CILP: variants seen among roughly 807,000 people sequenced by gnomAD.
CILP encodes the protein cartilage intermediate layer protein 1.
Under a neutral mutation model 82.5 loss-of-function variants are expected in CILP, and 75 were observed. The observed-to-expected ratio is 0.91, with a 90% CI of 0.75 to 1.10. The LOEUF is 1.10. Among genes scored for constraint, CILP ranks in the 50% least tolerant of loss-of-function variants. CILP has a pLI of 0.00. For synonymous variants in CILP, 530 were observed against 580.3 expected (o/e 0.91, Z 1.25); for missense variants, 1,479 against 1,530.8 (o/e 0.97, Z 0.56).
chr15:65,197,854 A>C lies in CILP; in HGVS notation c.2432T>G (p.Phe811Cys). The part of the protein sequence containing the change: ...TGPNGACVPA[F>C]CDDQSPDAYS... ...GGCATCAGGGGACTGGTCATCACAG[A>C]AGGCAGGCACACAGGCCCCGTTGGG... The change falls in exon 9 of 9, where the codon TTC (phenylalanine) becomes TGC (cysteine). Residue 811 changes from phenylalanine (F) to cysteine (C), a missense_variant. Coordinates refer to ENST00000261883, the MANE Select transcript of CILP (RefSeq NM_003613.4). The C allele has an allele frequency of 6.2e-7, 1 of 1,614,118 alleles. No individual in the cohort carries two copies. The highest frequency in any genetic ancestry group is 8.5e-7 in the Non-Finnish European group (1 of 1,180,006).
rs1028272918 is a variant in CILP, at chr15:65,196,078, A to T, written c.*653T>A. 6.6e-6 allele frequency: 1 copy of T among 152,246 alleles called. No homozygotes were observed. Among genetic ancestry groups the T allele is most frequent in the African/African-American group, 2.4e-5 (1 of 41,456 alleles). 9.4% of individuals were successfully genotyped at this position (152,246 alleles called of 1,614,324 possible). On this transcript the variant is annotated 3_prime_UTR_variant, in exon 9 of 9. Coordinates refer to ENST00000261883, the MANE Select transcript of CILP (RefSeq NM_003613.4). ...GGGTTTCTAGCAAGAACAGAAGCGA[A>T]TGCAAAGGGAAATGTACAAATACAG... is the stretch of plus-strand genomic sequence containing the variant.
At chr15:65,205,214 A>C (rs1595959885) in intron 5 of CILP, 73 bp downstream of exon 5, 2 of 1,407,322 alleles carry the variant, frequency 1.4e-6, no homozygotes, top group Non-Finnish European at 2.0e-6. Flanking sequence ...TCTCAAACTG[A>C]CCCTCTAACT....
At position 65,197,014 on chromosome 15, in the gene CILP, G is replaced by A. The variant is rs375005576; in HGVS notation, c.3272C>T (p.Ala1091Val). Residue 1091 changes from alanine to valine, a missense_variant, in exon 9 of 9, where the codon GCG becomes GTG. Physicochemically the swap from Ala to Val is moderately conservative, Grantham distance 64. Transcript: ENST00000261883. ...DQDPRTAKEIALGRCFDGTSD... is the reference protein window; with the variant it reads ...DQDPRTAKEIVLGRCFDGTSD... ...TGTGCCATCAAAGCACCGGCCGAGC[G>A]CGATCTCCTTGGCCGTGCGAGGGTC... 39 of 1,614,210 alleles carry A rather than the reference G, an allele frequency of 2.4e-5. No homozygotes were observed. Among genetic ancestry groups the A allele is most frequent in the African/African-American group, 1.2e-4 (9 of 75,052 alleles).
At position 65,197,996 on chromosome 15, in the gene CILP, A is replaced by G. The variant is rs752118200; in HGVS notation, c.2290T>C (p.Phe764Leu). 1 of 1,614,078 alleles carries G rather than the reference A, an allele frequency of 6.2e-7. No individual in the cohort carries two copies. The highest frequency in any genetic ancestry group is 2.2e-5 in the East Asian group (1 of 44,864). Residue 764 changes from phenylalanine (F) to leucine (L), a missense_variant, in exon 9 of 9, where the codon TTC becomes CTC. Coordinates refer to ENST00000261883, the MANE Select transcript of CILP (RefSeq NM_003613.4). ...VKVRAYRSER[F>L]LPSEQIQGVV... ...CCCTGGATCTGCTCACTAGGCAAGA[A>G]CCTCTCACTCCGGTAGGCCCTCACC...
chr15:65,203,397 C>T lies in CILP; in HGVS notation c.993G>A (p.Lys331=), dbSNP rs778553313. 20 of 1,613,298 alleles carry T rather than the reference C, an allele frequency of 1.2e-5. No individual in the cohort carries two copies. The Admixed American group carries it at 1.7e-4, about 13-fold the overall frequency. Reference sequence around the variant, plus strand: ...TGTCTGGCCTGGGCTTCCCTGTGGCCTTACAGCACAGAGACACGCTCTGCC... The same window carrying T: ...TGTCTGGCCTGGGCTTCCCTGTGGCTTTACAGCACAGAGACACGCTCTGCC... ...RAGQSVSLCC[K]ATGKPRPDKY... The change falls in exon 7 of 9, where the codon AAG becomes AAA. Residue 331 remains lysine (K), a synonymous_variant. Transcript: ENST00000261883.
chr15:65,205,155 A>C lies in CILP; in HGVS notation c.604+132T>G, dbSNP rs2088503495. The C allele has an allele frequency of 3.6e-6, 3 of 823,640 alleles. No individual in the cohort carries two copies. In the Admixed American group the frequency reaches 7.0e-5, roughly 19 times the overall value. The allele number at this position is 823,640 out of a possible 1,614,324, so 51.0% of individuals were successfully genotyped here. The stretch of plus-strand genomic sequence containing the variant: ...TATATCTCTCATTAGGGCACATAGT[A>C]GATGCTCAGTTAATACGTGGTGAGT... On this transcript the variant is annotated intron_variant, in intron 5 of 8. Coordinates refer to ENST00000261883, the MANE Select transcript of CILP (RefSeq NM_003613.4).
In CILP at chr15:65,198,296, A is replaced by G. The variant is rs747938176; in HGVS notation, c.1990T>C (p.Phe664Leu). 5 of 1,614,232 alleles carry G rather than the reference A, an allele frequency of 3.1e-6. No homozygotes were observed. Among genetic ancestry groups the G allele is most frequent in the Non-Finnish European group, 4.2e-6 (5 of 1,180,042 alleles). Residue 664 changes from phenylalanine to leucine, a missense_variant, in exon 9 of 9, where the codon TTC (phenylalanine) becomes CTC (leucine). Phe to Leu is a conservative substitution (Grantham distance 22). Transcript: ENST00000261883. ...LRTYGMFSVD[F>L]RDEVTSEPLN... Reference sequence around the variant, plus strand: ...GGCTCTGAGGTGACCTCATCTCTGAAGTCCACAGAGAACATGCCATACGTC... The same window carrying G: ...GGCTCTGAGGTGACCTCATCTCTGAGGTCCACAGAGAACATGCCATACGTC...
intron 4 of CILP, 107 bp from the exon 5 acceptor site, chr15:65,205,573 T>A (rs2088510554): frequency 1.8e-6 from 2 of 1,109,336 alleles, no homozygotes; most frequent in Admixed American, 5.7e-5. Flanking sequence ...GGTTTCCATT[T>A]ATGTCGTAGA....
At chr15:65,202,371 A>G (rs2088467852) in intron 7 of CILP, among the ~76,000 whole-genome samples, 1 of 152,152 alleles carries the variant, frequency 6.6e-6, no homozygotes, top group Non-Finnish European at 1.5e-5. Context: ...GAAAGTGGCT[A>G]TAAAATGTTT....
Position 65,196,462 on chromosome 15 carries a change from G to T in CILP, c.*269C>A. The T allele has an allele frequency of 2.6e-6, 1 of 383,458 alleles. No individual in the cohort carries two copies. Among genetic ancestry groups the T allele is most frequent in the Non-Finnish European group, 4.7e-6 (1 of 215,052 alleles). 23.8% of individuals were successfully genotyped at this position (383,458 alleles called of 1,614,324 possible). A position where few individuals can be genotyped will look rare whatever the true frequency, so the allele number is the denominator to read the frequency against. ...TATATTTGCATTAATGGCATTAAAT[G>T]AAGTACAGTTGAAGCTGCAGAGTTT... On this transcript the variant is annotated 3_prime_UTR_variant, in exon 9 of 9. Transcript: ENST00000261883.
In CILP at chr15:65,196,673, A is replaced by G. The variant is rs2088364754; in HGVS notation, c.*58T>C. The G allele has an allele frequency of 2.2e-6, 3 of 1,379,854 alleles. No homozygotes were observed. In the South Asian group the frequency reaches 4.4e-5, roughly 20 times the overall value. The allele number at this position is 1,379,854 out of a possible 1,614,324, so 85.5% of individuals were successfully genotyped here. A position where few individuals can be genotyped will look rare whatever the true frequency, so the allele number is the denominator to read the frequency against. Reference sequence around the variant, plus strand: ...TTAACCAAGTGACAGTTTGTGCATCAGTCTCACAATGGCTGTCACATGAAA... The same window carrying G: ...TTAACCAAGTGACAGTTTGTGCATCGGTCTCACAATGGCTGTCACATGAAA... On this transcript the variant is annotated 3_prime_UTR_variant, in exon 9 of 9. Transcript: ENST00000261883.
In CILP at chr15:65,195,899, T is replaced by A. The variant is rs2088354981; in HGVS notation, c.*832A>T. The A allele has an allele frequency of 6.6e-6, 1 of 152,232 alleles. No homozygotes were observed. Among genetic ancestry groups the A allele is most frequent in the Non-Finnish European group, 1.5e-5 (1 of 68,036 alleles). 9.4% of individuals were successfully genotyped at this position (152,232 alleles called of 1,614,324 possible). ...TGCCTATGTTGCCCTGCCCTGTAACTTAGGGGGCGAGGACTTACACCACCT... is the reference window on the plus strand; with the variant it reads ...TGCCTATGTTGCCCTGCCCTGTAACATAGGGGGCGAGGACTTACACCACCT... On this transcript the variant is annotated 3_prime_UTR_variant, in exon 9 of 9. Coordinates refer to ENST00000261883, the MANE Select transcript of CILP (RefSeq NM_003613.4).
At chr15:65,207,807 A>T in intron 2 of CILP, 43 bp from the exon 3 acceptor site, 1 of 1,519,584 alleles carries the variant, frequency 6.6e-7, no homozygotes, top group Non-Finnish European at 9.1e-7. Context: ...CCAGGACTGG[A>T]AGTTACAGCA....
intron 2 of CILP, among the ~76,000 whole-genome samples, chr15:65,209,311 A>G (rs1394098262): frequency 6.6e-6 from 1 of 152,078 alleles, no homozygotes; most frequent in Non-Finnish European, 1.5e-5. Flanking sequence ...TCATAAAACT[A>G]AAAACAGACC....
intron 8 of CILP, among the ~76,000 whole-genome samples, chr15:65,199,575 C>A (rs1015342873): frequency 2.4e-4 from 36 of 152,348 alleles, no homozygotes; most frequent in Admixed American, 4.6e-4. Context: ...GTTATCCCAA[C>A]AATTTGGGAG....
chr15:65,210,553 G>A (rs2088574590), intron 1 of CILP, among the ~76,000 whole-genome samples: 1 of 152,204 alleles, frequency 6.6e-6, no homozygotes, highest in Non-Finnish European at 1.5e-5. Context: ...AAGCAGGCCT[G>A]GGACAAGGGC....
At position 65,198,473 on chromosome 15, in the gene CILP, A is replaced by G. The variant is rs761417111; in HGVS notation, c.1813T>C (p.Ser605Pro). 20 of 1,614,186 alleles carry G rather than the reference A, an allele frequency of 1.2e-5. No homozygotes were observed. Among genetic ancestry groups the G allele is most frequent in the Non-Finnish European group, 1.7e-5 (20 of 1,180,024 alleles). ...CCATTCTGCCTGTAGAAACTCCTGGATGGAATCTCCAGTTCAGCCATGGGG... is the reference window on the plus strand; with the variant it reads ...CCATTCTGCCTGTAGAAACTCCTGGGTGGAATCTCCAGTTCAGCCATGGGG... ...EDPMAELEIP[S>P]RSFYRQNGEP... The change falls in exon 9 of 9, where the codon TCC becomes CCC. Residue 605 changes from serine (S) to proline (P), a missense_variant. Transcript: ENST00000261883.
At chr15:65,203,760 C>T (rs1482291767) in intron 6 of CILP, among the ~76,000 whole-genome samples, 5 of 152,194 alleles carry the variant, frequency 3.3e-5, no homozygotes, top group African/African-American at 9.7e-5. Context: ...ACCTTTGGGA[C>T]AGAACTGACT....
In CILP at chr15:65,194,857, A is replaced by ACC. The variant is rs1238102038; in HGVS notation, c.*1872_*1873dup. The ACC allele has an allele frequency of 7.7e-4, 55 of 71,052 alleles. No individual in the cohort carries two copies. Among genetic ancestry groups the ACC allele is most frequent in the Non-Finnish European group, 1.2e-3 (43 of 35,068 alleles). The allele number at this position is 71,052 out of a possible 1,614,324, so 4.4% of individuals were successfully genotyped here. ...GTCAGCCCACCTTCCCCAGCAACCC[A>ACC]CCCCCCCCCGACCCTCCCCCTCCCC... On this transcript the variant is annotated 3_prime_UTR_variant, in exon 9 of 9. Transcript: ENST00000261883.
Sources: gnomAD v4.1 joint callset for allele counts (sites outside exome capture counted in the v4.1 genomes callset) on GRCh38, gnomAD v4.1.1 for gene constraint, MANE v1.5 for transcripts, NCBI Gene and HGNC (gene_info 2026-07-23, HGNC 2026-07-21) for gene names.